Variants in SYNPR observed in about 807,000 individuals in gnomAD.
The protein encoded by SYNPR is synaptoporin.
A neutral mutation model predicts 32.9 loss-of-function variants in SYNPR; 23 were observed. The observed-to-expected ratio is 0.70, with a 90% CI of 0.50 to 0.99. The LOEUF is 0.99. Among genes scored for constraint, SYNPR ranks in the 50% least tolerant of loss-of-function variants. The pLI, the probability that SYNPR is intolerant of heterozygous loss-of-function variation, is 0.00. For synonymous variants in SYNPR, 146 were observed against 135.9 expected (o/e 1.07, Z -0.52); for missense variants, 318 against 349.3 (o/e 0.91, Z 0.71).
intron 3 of SYNPR, among the ~76,000 whole-genome samples, chr3:63,540,392 C>A (rs1017818071): frequency 1.2e-4 from 19 of 152,068 alleles, no homozygotes; most frequent in Non-Finnish European, 1.9e-4. Flanking sequence ...CTAAGCAACA[C>A]TTTACTACTG....
chr3:63,533,794 C>T (rs1702152754), intron 3 of SYNPR, among the ~76,000 whole-genome samples: 1 of 152,180 alleles, frequency 6.6e-6, no homozygotes, highest in Non-Finnish European at 1.5e-5. Flanking sequence ...TGAGTTTGGA[C>T]ATATGCCCAT....
chr3:63,500,105 G>A lies in SYNPR; in HGVS notation c.209+19149G>A, dbSNP rs371876004. 4.6e-5 allele frequency among the ~76,000 whole-genome samples: 7 copies of A among 152,162 alleles called. No individual in the cohort carries two copies. The East Asian group carries it at 1.4e-3, about 29-fold the overall frequency. On this transcript the variant is annotated intron_variant, in intron 3 of 5. Transcript: ENST00000478300. ...ATAGATGGTATTAAATAAGACAAGG[G>A]TTTCCCAGTTTGGAGCATGGTTTTT...
At chr3:63,258,710 A>T (rs943301973) in intron 2 of SYNPR, among the ~76,000 whole-genome samples, 14 of 152,032 alleles carry the variant, frequency 9.2e-5, no homozygotes, top group African/African-American at 3.4e-4. Flanking sequence ...AAGGCAAGAA[A>T]TAACTAAGAT....
At chr3:63,418,105 G>T (rs1454661490) in intron 2 of SYNPR, among the ~76,000 whole-genome samples, 1 of 152,036 alleles carries the variant, frequency 6.6e-6, no homozygotes, top group Non-Finnish European at 1.5e-5. Flanking sequence ...AAACTGACTG[G>T]CTTTAACAGC....
chr3:63,559,952 C>A (rs1054565860), intron 4 of SYNPR, among the ~76,000 whole-genome samples: 5 of 152,094 alleles, frequency 3.3e-5, no homozygotes, highest in Non-Finnish European at 7.4e-5. Context: ...TACAGCTAAT[C>A]CACACATAAA....
At chr3:63,239,734 C>T (rs2086226937) in intron 1 of SYNPR, among the ~76,000 whole-genome samples, 1 of 151,258 alleles carries the variant, frequency 6.6e-6, no homozygotes. Flanking sequence ...ATTGTCACCC[C>T]TCTTTTTATT....
At chr3:63,557,646 T>C (rs1011108346) in intron 4 of SYNPR, among the ~76,000 whole-genome samples, 5 of 152,238 alleles carry the variant, frequency 3.3e-5, no homozygotes, top group African/African-American at 1.2e-4. Flanking sequence ...TATCAGTTGA[T>C]TGATCATTAA....
intron 3 of SYNPR, among the ~76,000 whole-genome samples, chr3:63,534,839 T>C (rs1035720128): frequency 6.6e-6 from 1 of 152,118 alleles, no homozygotes; most frequent in Non-Finnish European, 1.5e-5. Flanking sequence ...TGGGAACTAA[T>C]AGAGTGAGAA....
At chr3:63,395,424 A>G (rs963070542) in intron 2 of SYNPR, among the ~76,000 whole-genome samples, 1 of 152,222 alleles carries the variant, frequency 6.6e-6, no homozygotes, top group Non-Finnish European at 1.5e-5. Context: ...AGTAACAAAA[A>G]TGCTAGCTTC....
intron 3 of SYNPR, among the ~76,000 whole-genome samples, chr3:63,272,166 T>C (rs181749743): frequency 3.8e-4 from 58 of 152,336 alleles, no homozygotes; most frequent in Middle Eastern, 3.4e-3. Context: ...CTACATTAAC[T>C]CATCTGCTGC....
chr3:63,441,845 T>C (rs1700183737), intron 2 of SYNPR, among the ~76,000 whole-genome samples: 1 of 152,160 alleles, frequency 6.6e-6, no homozygotes, highest in South Asian at 2.1e-4. Flanking sequence ...CTGAGCCCAG[T>C]TTGCAGGTGT....
chr3:63,602,657 GGT>G (rs1700062870), intron 4 of SYNPR, among the ~76,000 whole-genome samples: 1 of 152,076 alleles, frequency 6.6e-6, no homozygotes. Context: ...GATGGTTGTA[GGT>G]GTGTGAAATT....
intron 2 of SYNPR, among the ~76,000 whole-genome samples, chr3:63,466,918 C>G (rs1022535335): frequency 6.6e-6 from 1 of 152,172 alleles, no homozygotes; most frequent in Non-Finnish European, 1.5e-5. Flanking sequence ...GGGAGGGATA[C>G]AAACACTCAG....
At chr3:63,495,884 T>C (rs532208778) in intron 3 of SYNPR, among the ~76,000 whole-genome samples, 2 of 152,252 alleles carry the variant, frequency 1.3e-5, no homozygotes, top group East Asian at 1.9e-4. Context: ...TGGATACATG[T>C]CCTTATAAAT....
chr3:63,604,088 G>T (rs1700083245), intron 4 of SYNPR, among the ~76,000 whole-genome samples: 1 of 152,050 alleles, frequency 6.6e-6, no homozygotes, highest in Non-Finnish European at 1.5e-5. Flanking sequence ...AAATTTCCAG[G>T]AATTTGTCCA....
At chr3:63,402,039 CA>C (rs1246937864) in intron 2 of SYNPR, among the ~76,000 whole-genome samples, 4 of 151,464 alleles carry the variant, frequency 2.6e-5, no homozygotes, top group African/African-American at 9.8e-5. Flanking sequence ...CCCTGCTGTT[CA>C]TCCTTAATTT....
intron 4 of SYNPR, among the ~76,000 whole-genome samples, chr3:63,595,720 TATATATA>T (rs1699923489): frequency 3.1e-4 from 3 of 9,718 alleles, no homozygotes; most frequent in Non-Finnish European, 1.8e-3. Context: ...TCTTATTTTA[TATATATA>T]TATATATATA....
At chr3:63,365,150 G>C (rs2087716135) in intron 2 of SYNPR, among the ~76,000 whole-genome samples, 1 of 152,172 alleles carries the variant, frequency 6.6e-6, no homozygotes, top group South Asian at 2.1e-4. Flanking sequence ...CTTTCCAACA[G>C]AGCTAATGTC....
At chr3:63,372,031 C>T (rs2087819365) in intron 2 of SYNPR, among the ~76,000 whole-genome samples, 1 of 152,146 alleles carries the variant, frequency 6.6e-6, no homozygotes, top group South Asian at 2.1e-4. Context: ...CTTGGGACCA[C>T]AGAACAGCCA....
Sources: gnomAD v4.1 joint callset for allele counts (sites outside exome capture counted in the v4.1 genomes callset) on GRCh38, gnomAD v4.1.1 for gene constraint, MANE v1.5 for transcripts, NCBI Gene and HGNC (gene_info 2026-07-23, HGNC 2026-07-21) for gene names.